Variants in IPO11 observed in about 807,000 individuals in gnomAD.
IPO11 encodes importin-11.
A neutral mutation model predicts 143.2 loss-of-function variants in IPO11; 66 were observed. That is an observed-to-expected ratio of 0.46 (90% CI 0.38 to 0.57). The LOEUF is 0.57. IPO11 is among the 20% of genes least tolerant of loss of function. The pLI, the probability that IPO11 is intolerant of heterozygous loss-of-function variation, is 0.00. For synonymous variants in IPO11, 385 were observed against 377.8 expected (o/e 1.02, Z -0.22); for missense variants, 1,026 against 1,141.0 (o/e 0.90, Z 1.45).
rs1156879204 is a variant in IPO11, at chr5:62,519,619, C to T, written c.1896+4118C>T. Among the ~76,000 whole-genome samples the T allele has an allele frequency of 3.3e-5, 5 of 152,106 alleles. No individual in the cohort carries two copies. The East Asian group carries it at 9.6e-4, about 29-fold the overall frequency. ...TTTTATTTCTTATACATAGTGTTTCCAACCTCCACCCTTGTATTAATAATT... is the reference window on the plus strand; with the variant it reads ...TTTTATTTCTTATACATAGTGTTTCTAACCTCCACCCTTGTATTAATAATT... On this transcript the variant is annotated intron_variant, in intron 20 of 29. Coordinates refer to ENST00000325324, the MANE Select transcript of IPO11 (RefSeq NM_016338.5).
intron 29 of IPO11, among the ~76,000 whole-genome samples, chr5:62,606,080 T>C (rs570684412): frequency 2.6e-5 from 4 of 152,126 alleles, no homozygotes; most frequent in Admixed American, 1.3e-4. Flanking sequence ...AAATGAAAAC[T>C]GTATGTATCT....
chr5:62,569,303 A>G (rs984687262), intron 27 of IPO11, among the ~76,000 whole-genome samples: 1 of 152,192 alleles, frequency 6.6e-6, no homozygotes, highest in African/African-American at 2.4e-5. Context: ...TCCCCTTTCA[A>G]TGTGCCCTTT....
chr5:62,561,059 C>G, intron 26 of IPO11, 77 bp from the exon 27 acceptor site: 1 of 1,304,774 alleles, frequency 7.7e-7, no homozygotes, highest in Non-Finnish European at 1.1e-6. Context: ...ACTTATGAGG[C>G]TTTAGCCTTT....
chr5:62,561,623 T>C (rs1743776020), intron 27 of IPO11, among the ~76,000 whole-genome samples: 1 of 152,230 alleles, frequency 6.6e-6, no homozygotes. Context: ...TCATAAAGTA[T>C]GTTATAAAGT....
rs1406560406 is a variant in IPO11, at chr5:62,493,984, T to C, written c.1464-14T>C. On this transcript the variant is annotated splice_polypyrimidine_tract_variant and intron_variant, in intron 15 of 29. Coordinates refer to ENST00000325324, the MANE Select transcript of IPO11 (RefSeq NM_016338.5). ...ATATTTAACATTTTAATTTCATGAT[T>C]TTTTCCTGTTTAGGTATAAGCCATT... The C allele has an allele frequency of 1.3e-6, 2 of 1,592,400 alleles. No individual in the cohort carries two copies. Among genetic ancestry groups the C allele is most frequent in the East Asian group, 2.2e-5 (1 of 44,616 alleles).
intron 27 of IPO11, among the ~76,000 whole-genome samples, chr5:62,577,346 A>G (rs553820725): frequency 1.3e-5 from 2 of 152,244 alleles, no homozygotes; most frequent in Admixed American, 1.3e-4. Flanking sequence ...TTTGCATCCT[A>G]ATAAGTGTTC....
intron 20 of IPO11, among the ~76,000 whole-genome samples, chr5:62,518,032 T>C (rs1407863333): frequency 1.3e-5 from 2 of 151,758 alleles, no homozygotes; most frequent in African/African-American, 2.4e-5. Flanking sequence ...GGCCAGGCAC[T>C]GTGGCTCACA....
chr5:62,457,687 A>G (rs771175150), intron 5 of IPO11, among the ~76,000 whole-genome samples: 1 of 152,178 alleles, frequency 6.6e-6, no homozygotes, highest in African/African-American at 2.4e-5. Context: ...CTCATAGCAG[A>G]GACTTGCAGA....
At chr5:62,429,036 C>A (rs988132635) in intron 1 of IPO11, among the ~76,000 whole-genome samples, 1 of 152,152 alleles carries the variant, frequency 6.6e-6, no homozygotes, top group African/African-American at 2.4e-5. Context: ...CTATAATTTA[C>A]AGTCCGTGTA....
chr5:62,537,964 T>C (rs1742792936), intron 24 of IPO11, among the ~76,000 whole-genome samples: 1 of 152,158 alleles, frequency 6.6e-6, no homozygotes, highest in Non-Finnish European at 1.5e-5. Flanking sequence ...ACAGCACATG[T>C]ATACATACGT....
chr5:62,580,780 G>C, intron 27 of IPO11: 1 of 1,551,396 alleles, frequency 6.4e-7, no homozygotes, highest in Non-Finnish European at 8.7e-7. Context: ...GGAAAATACT[G>C]AGACTGAGAA....
chr5:62,533,208 C>T (rs1425394715), intron 22 of IPO11, among the ~76,000 whole-genome samples: 9 of 116,580 alleles, frequency 7.7e-5, no homozygotes, highest in African/African-American at 3.2e-4. Context: ...TTCTTTCTTT[C>T]TTTCTTCTTT....
chr5:62,498,837 T>G lies in IPO11; in HGVS notation c.1590+4713T>G, dbSNP rs988822332. Among the ~76,000 whole-genome samples the G allele has an allele frequency of 5.3e-5, 8 of 152,250 alleles. No individual in the cohort carries two copies. In the South Asian group the frequency reaches 1.2e-3, roughly 24 times the overall value. On this transcript the variant is annotated intron_variant, in intron 16 of 29. Transcript: ENST00000325324. ...GTGAGCCGAGATCAAACCACCATAC[T>G]CCAGCCTGAGCAACAGAGCAAGATT...
intron 25 of IPO11, 100 bp from the exon 26 acceptor site, chr5:62,551,123 A>T (rs1743376376): frequency 1.6e-6 from 1 of 631,400 alleles, no homozygotes; most frequent in African/African-American, 1.8e-5. Flanking sequence ...AACATGGAGG[A>T]GAATGTTATT....
chr5:62,622,164 A>G (rs1170733012), intron 29 of IPO11, among the ~76,000 whole-genome samples: 1 of 152,166 alleles, frequency 6.6e-6, no homozygotes, highest in Non-Finnish European at 1.5e-5. Flanking sequence ...TAGGCCTCAA[A>G]ACGCTTGGCC....
intron 9 of IPO11, among the ~76,000 whole-genome samples, chr5:62,478,868 A>G (rs546827752): frequency 5.9e-5 from 9 of 152,310 alleles, no homozygotes; most frequent in African/African-American, 1.9e-4. Context: ...AGAATACATT[A>G]TAAGTATTGT....
At chr5:62,530,579 T>C in intron 21 of IPO11, 130 bp from the exon 22 acceptor site, 1 of 589,296 alleles carries the variant, frequency 1.7e-6, no homozygotes, top group Non-Finnish European at 3.1e-6. Context: ...TCTTAGATAA[T>C]TTTTATAACT....
At chr5:62,503,818 A>G (rs1019726097) in intron 16 of IPO11, among the ~76,000 whole-genome samples, 7 of 152,200 alleles carry the variant, frequency 4.6e-5, no homozygotes, top group African/African-American at 1.7e-4. Context: ...AAGCTCCTGT[A>G]AAATGTTTTA....
intron 6 of IPO11, among the ~76,000 whole-genome samples, chr5:62,469,521 T>A (rs1745693511): frequency 6.6e-6 from 1 of 152,188 alleles, no homozygotes; most frequent in Non-Finnish European, 1.5e-5. Flanking sequence ...TTTAATTTTG[T>A]CTCTTACACT....
Sources: gnomAD v4.1 joint callset for allele counts (sites outside exome capture counted in the v4.1 genomes callset) on GRCh38, gnomAD v4.1.1 for gene constraint, MANE v1.5 for transcripts, NCBI Gene and HGNC (gene_info 2026-07-23, HGNC 2026-07-21) for gene names.